UNC13C: variants seen among roughly 807,000 people sequenced by gnomAD.
The protein encoded by UNC13C is protein unc-13 homolog C.
Under a neutral mutation model 245.4 loss-of-function variants are expected in UNC13C, and 174 were observed. The observed-to-expected ratio is 0.71, with a 90% CI of 0.63 to 0.80. The LOEUF is 0.80. Among genes scored for constraint, UNC13C ranks in the 30% least tolerant of loss-of-function variants. UNC13C has a pLI of 0.00. For synonymous variants in UNC13C, 992 were observed against 895.1 expected (o/e 1.11, Z -1.93); for missense variants, 2,829 against 2,602.9 (o/e 1.09, Z -1.89).
At chr15:54,490,113 A>G (rs996443542) in intron 19 of UNC13C, among the ~76,000 whole-genome samples, 1 of 152,178 alleles carries the variant, frequency 6.6e-6, no homozygotes, top group Non-Finnish European at 1.5e-5. Context: ...TGGGTTTAGA[A>G]GCAACTTTGT....
the UNC13C span, among the ~76,000 whole-genome samples, chr15:53,847,510 C>T: frequency 6.7e-6 from 1 of 148,426 alleles, no homozygotes; most frequent in South Asian, 2.2e-4. Flanking sequence ...GTGTCCACCA[C>T]CATGCCTGGC....
intron 25 of UNC13C, among the ~76,000 whole-genome samples, chr15:54,532,278 C>T (rs913841278): frequency 6.6e-6 from 1 of 152,138 alleles, no homozygotes; most frequent in South Asian, 2.1e-4. Context: ...GGCAATTCCT[C>T]AAAGACCTAA....
intron 2 of UNC13C, among the ~76,000 whole-genome samples, chr15:54,034,036 G>A (rs1367961494): frequency 6.6e-6 from 1 of 152,154 alleles, no homozygotes; most frequent in Non-Finnish European, 1.5e-5. Context: ...CGATTTCTCT[G>A]GCCAATCCAT....
chr15:54,137,118 G>A (rs576184085), intron 2 of UNC13C, among the ~76,000 whole-genome samples: 3 of 152,174 alleles, frequency 2.0e-5, no homozygotes, highest in Non-Finnish European at 4.4e-5. Context: ...TGGATTACAG[G>A]CATGAGCCAC....
At chr15:54,111,734 T>C (rs1900785352) in intron 2 of UNC13C, among the ~76,000 whole-genome samples, 1 of 152,038 alleles carries the variant, frequency 6.6e-6, no homozygotes, top group South Asian at 2.1e-4. Context: ...TTTGGGTAAA[T>C]GGAAAGCCTA....
chr15:54,084,888 T>C (rs1410472771), intron 2 of UNC13C, among the ~76,000 whole-genome samples: 2 of 152,136 alleles, frequency 1.3e-5, no homozygotes, highest in African/African-American at 4.8e-5. Flanking sequence ...TTAAGAAAAA[T>C]GATCTTTATT....
intron 10 of UNC13C, among the ~76,000 whole-genome samples, chr15:54,272,072 C>T (rs2036701426): frequency 6.6e-6 from 1 of 152,172 alleles, no homozygotes; most frequent in Non-Finnish European, 1.5e-5. Context: ...TGTTTCTGGA[C>T]CAATCCTTAA....
At chr15:54,064,504 A>G (rs1022533707) in intron 2 of UNC13C, among the ~76,000 whole-genome samples, 1 of 152,234 alleles carries the variant, frequency 6.6e-6, no homozygotes, top group South Asian at 2.1e-4. Flanking sequence ...TTCATTCAAT[A>G]TGCACGTGGA....
intron 30 of UNC13C, among the ~76,000 whole-genome samples, chr15:54,610,726 T>A (rs1900043578): frequency 1.3e-5 from 2 of 152,220 alleles, no homozygotes; most frequent in African/African-American, 4.8e-5. Context: ...AGATGTGAGA[T>A]TTGAGATTAA....
At chr15:54,034,068 A>C (rs1896473709) in intron 2 of UNC13C, among the ~76,000 whole-genome samples, 1 of 152,194 alleles carries the variant, frequency 6.6e-6, no homozygotes, top group Non-Finnish European at 1.5e-5. Context: ...TTGTTCCAGA[A>C]TGGACTTCCC....
the UNC13C span, chr15:53,913,545 A>G: frequency 6.6e-6 from 1 of 152,340 alleles, no homozygotes; most frequent in Non-Finnish European, 1.5e-5. Context: ...GAATGGCTAC[A>G]ATCATCAGGC....
intron 19 of UNC13C, among the ~76,000 whole-genome samples, chr15:54,477,758 G>T (rs1391757738): frequency 6.8e-6 from 1 of 146,860 alleles, no homozygotes; most frequent in African/African-American, 2.5e-5. Flanking sequence ...AAGGATATTG[G>T]TCTAAAATTC....
intron 11 of UNC13C, among the ~76,000 whole-genome samples, chr15:54,295,815 C>T (rs747202625): frequency 5.9e-5 from 9 of 152,064 alleles, no homozygotes; most frequent in Non-Finnish European, 1.2e-4. Flanking sequence ...TGTGATGAAA[C>T]GCAATATTGT....
intron 30 of UNC13C, among the ~76,000 whole-genome samples, chr15:54,569,687 CAT>C (rs1159836701): frequency 6.6e-6 from 1 of 151,862 alleles, no homozygotes; most frequent in African/African-American, 2.4e-5. Context: ...ACATTAAAAA[CAT>C]ATGGGAAGAG....
intron 28 of UNC13C, among the ~76,000 whole-genome samples, chr15:54,553,019 CTATATTACAATATATAATATATAT>C (rs1896904267): frequency 1.1e-5 from 1 of 92,184 alleles, no homozygotes; most frequent in East Asian, 3.2e-4. Context: ...ATATTGTATT[CTATATTACAATATATAATATATAT>C]TGTATTCTAT....
intron 14 of UNC13C, among the ~76,000 whole-genome samples, chr15:54,324,947 C>T (rs775832234): frequency 1.3e-5 from 2 of 152,034 alleles, no homozygotes; most frequent in Non-Finnish European, 2.9e-5. Flanking sequence ...TTTCTTAAAA[C>T]ATTGTGAGAC....
At chr15:54,520,749 T>TCTAAGGTCACC (rs1293933908) in intron 24 of UNC13C, among the ~76,000 whole-genome samples, 5 of 152,224 alleles carry the variant, frequency 3.3e-5, no homozygotes, top group Non-Finnish European at 7.4e-5. Flanking sequence ...GTCCTTGAAA[T>TCTAAGGTCACC]TAAGAAATCA....
In UNC13C at chr15:54,013,272, C is replaced by G. The variant is rs199861324; in HGVS notation, c.369C>G (p.Ile123Met). 2 of 1,613,634 alleles carry G rather than the reference C, an allele frequency of 1.2e-6. No individual in the cohort carries two copies. Among genetic ancestry groups the G allele is most frequent in the Non-Finnish European group, 1.7e-6 (2 of 1,179,766 alleles). ...ATCTGCTTCAAGAGCTCTCTTCAAT[C>G]GAGAGTTCCTACTCAGAATCATTAA... The part of the protein sequence containing the change: ...NEDLLQELSS[I>M]ESSYSESLNE... Residue 123 changes from isoleucine to methionine, a missense_variant, in exon 2 of 33, where the codon ATC (isoleucine) becomes ATG (methionine). Ile to Met is a conservative substitution (Grantham distance 10, BLOSUM62 1). Transcript: ENST00000260323.
chr15:53,839,844 A>T, the UNC13C span, among the ~76,000 whole-genome samples: 1 of 151,954 alleles, frequency 6.6e-6, no homozygotes, highest in African/African-American at 2.4e-5. Flanking sequence ...TTTGATACGG[A>T]TGTGTAATTT....
Sources: allele counts gnomAD v4.1 joint callset (sites outside exome capture counted in the v4.1 genomes callset), GRCh38; gene constraint gnomAD v4.1.1; transcripts MANE v1.5; gene names NCBI Gene and HGNC (gene_info 2026-07-23, HGNC 2026-07-21).